The following TRIM10 variants were observed in gnomAD, a reference collection of about 807,000 sequenced individuals.
The protein encoded by TRIM10 is tripartite motif-containing protein 10.
TRIM10 carries 42 observed loss-of-function variants against 40.0 expected under a neutral mutation model. That is an observed-to-expected ratio of 1.05 (90% CI 0.82 to 1.36). TRIM10 has a LOEUF of 1.36. TRIM10 is among the 40% of genes most tolerant of loss of function. The pLI, the probability that TRIM10 is intolerant of heterozygous loss-of-function variation, is 0.00. For synonymous variants in TRIM10, 260 were observed against 239.5 expected (o/e 1.09, Z -0.79); for missense variants, 601 against 608.3 (o/e 0.99, Z 0.13).
chr6:30,154,770 G>GA, intron 6 of TRIM10: 1 of 679,986 alleles, frequency 1.5e-6, no homozygotes, highest in Admixed American at 2.0e-5. Flanking sequence ...TGGTCCTCGG[G>GA]AAAGCTCTTC....
upstream of TRIM10, chr6:30,163,711 G>A (rs574241267): frequency 6.2e-6 from 10 of 1,611,568 alleles, no homozygotes; most frequent in South Asian, 5.5e-5. Flanking sequence ...CCCTGAAGGT[G>A]GTCCATGAGC....
chr6:30,156,587 CA>C (rs1772551259), intron 5 of TRIM10, among the ~76,000 whole-genome samples: 1 of 152,208 alleles, frequency 6.6e-6, no homozygotes. Flanking sequence ...TGTTCATCAT[CA>C]AAAACTTATC....
upstream of TRIM10, chr6:30,163,191 C>G (rs575310679): frequency 3.1e-5 from 5 of 162,648 alleles, no homozygotes; most frequent in Non-Finnish European, 6.8e-5. Flanking sequence ...GTCCACACCT[C>G]TCACTCCAGC....
intron 2 of TRIM10, among the ~76,000 whole-genome samples, 169 bp downstream of exon 2, chr6:30,158,981 A>C (rs546402294): frequency 1.2e-3 from 188 of 152,316 alleles, no homozygotes; most frequent in Non-Finnish European, 2.3e-3. Flanking sequence ...TCCATTTTAC[A>C]GATAAGTAAA....
chr6:30,153,629 A>G lies in TRIM10; in HGVS notation c.*340T>C. On this transcript the variant is annotated 3_prime_UTR_variant, in exon 7 of 7. Coordinates refer to ENST00000449742, the MANE Select transcript of TRIM10 (RefSeq NM_006778.4). ...GAGATGCCTTGTTTAAAGTCATACA[A>G]CTGGTTGACAGGCTGGTTCAAGAAC... 2 of 1,446,214 alleles carry G rather than the reference A, an allele frequency of 1.4e-6. No individual in the cohort carries two copies. The highest frequency in any genetic ancestry group is 1.2e-5 in the South Asian group (1 of 83,536). The allele number at this position is 1,446,214 out of a possible 1,614,324, so 89.6% of individuals were successfully genotyped here. A position where few individuals can be genotyped will look rare whatever the true frequency, so the allele number is the denominator to read the frequency against.
upstream of TRIM10, among the ~76,000 whole-genome samples, chr6:30,162,127 T>C (rs1441373122): frequency 6.6e-6 from 1 of 151,862 alleles, no homozygotes; most frequent in Admixed American, 6.6e-5. Flanking sequence ...TACAAAAAAA[T>C]TAGCCTGGCG....
At position 30,155,726 on chromosome 6, in the gene TRIM10, C is replaced by T. The variant is rs1352800930; in HGVS notation, c.928+1G>A. 9 of 1,613,572 alleles carry T rather than the reference C, an allele frequency of 5.6e-6. No individual in the cohort carries two copies. Among genetic ancestry groups the T allele is most frequent in the Non-Finnish European group, 7.6e-6 (9 of 1,179,906 alleles). On this transcript the variant is annotated splice_donor_variant, in intron 6 of 6. Transcript: ENST00000449742. LOFTEE classifies it high-confidence loss of function. Reference sequence around the variant, plus strand: ...CTCCCATCCTGACATAGGCTCCTTACCTGGCTCATAGTCCAACTCAAAGCA... The same window carrying T: ...CTCCCATCCTGACATAGGCTCCTTATCTGGCTCATAGTCCAACTCAAAGCA...
At chr6:30,159,301 C>A in intron 1 of TRIM10, 56 bp from the exon 2 acceptor site, 1 of 1,274,970 alleles carries the variant, frequency 7.8e-7, no homozygotes, top group South Asian at 1.2e-5. Context: ...TCAGGTTTGT[C>A]TGGTCATCTG....
At chr6:30,159,282 A>C in intron 1 of TRIM10, 37 bp from the exon 2 acceptor site, 1 of 1,469,900 alleles carries the variant, frequency 6.8e-7, no homozygotes, top group South Asian at 1.1e-5. Context: ...AAGATGGAAA[A>C]TGATTTGTTC....
At chr6:30,163,523 C>T (rs1773302848), upstream of TRIM10, 17 of 890,010 alleles carry the variant, frequency 1.9e-5, no homozygotes, top group South Asian at 3.0e-4. Flanking sequence ...AGGTGGCTTC[C>T]CTGTGCTGGC....
rs1443280721 is a variant in TRIM10 at position 30,152,361 on chromosome 6, C to T, written c.*1608G>A. The T allele has an allele frequency of 1.3e-5, 2 of 152,192 alleles. No individual in the cohort carries two copies. The highest frequency in any genetic ancestry group is 4.8e-5 in the African/African-American group (2 of 41,456). 9.4% of individuals were successfully genotyped at this position (152,192 alleles called of 1,614,324 possible). ...ATAAACAAAAATAGGATCTACTTTT[C>T]TGGAATCACAGGTTTGGGTGCTTTG... is the stretch of plus-strand genomic sequence containing the variant. On this transcript the variant is annotated 3_prime_UTR_variant, in exon 7 of 7. Transcript: ENST00000449742.
In TRIM10 at chr6:30,158,415, GCTGGCCT is replaced by G. The variant is rs559448550; in HGVS notation, c.733_739del (p.Arg245GlnfsTer5). 5.0e-6 allele frequency: 8 copies of G among 1,612,906 alleles called. No homozygotes were observed. The highest frequency in any genetic ancestry group is 6.8e-6 in the Non-Finnish European group (8 of 1,180,000). On this transcript the variant is annotated frameshift_variant, in exon 3 of 7. Transcript: ENST00000449742. LOFTEE classifies it high-confidence loss of function. ...AGGCCTCACCGTCAGGAGCTCCCTT[GCTGGCCT>G]CTCATTCTTCTCCTCCAGTTCTTCA...
rs1430684623 is a variant in TRIM10, at chr6:30,159,135, G to A, written c.525+15C>T. On this transcript the variant is annotated intron_variant, in intron 2 of 6. Transcript: ENST00000449742. ...TGAGGAAGGGGAGGAACCTGGGGAA[G>A]GGGTGATGACTTACCAGGAGGACTT... 6.4e-7 allele frequency: 1 copy of A among 1,564,672 alleles called. No individual in the cohort carries two copies. The highest frequency in any genetic ancestry group is 1.1e-5 in the South Asian group (1 of 90,006).
chr6:30,154,159 G>A lies in TRIM10; in HGVS notation c.1256C>T (p.Pro419Leu). ...WGFVSALGSF[P>L]TRLTLKEQPR... ...CTGCTCCTTCAGGGTCAGCCGTGTG[G>A]GGAAGGAGCCCAGAGCCGAGACGAA... Residue 419 changes from proline (P) to leucine (L), a missense_variant, in exon 7 of 7, where the codon CCC (proline) becomes CTC (leucine). Transcript: ENST00000449742. The A allele has an allele frequency of 1.2e-6, 2 of 1,612,608 alleles. No homozygotes were observed. The highest frequency in any genetic ancestry group is 1.3e-5 in the African/African-American group (1 of 75,032).
At chr6:30,156,522 C>T (rs1268609182) in intron 5 of TRIM10, among the ~76,000 whole-genome samples, 2 of 152,102 alleles carry the variant, frequency 1.3e-5, no homozygotes, top group Non-Finnish European at 2.9e-5. Flanking sequence ...GAAGGAGGGA[C>T]GAGCCAGATA....
rs1244221479 is a variant in TRIM10, at chr6:30,153,357, A to G, written c.*612T>C. 2 of 278,756 alleles carry G rather than the reference A, an allele frequency of 7.2e-6. No individual in the cohort carries two copies. The highest frequency in any genetic ancestry group is 1.4e-5 in the Non-Finnish European group (2 of 147,802). The allele number at this position is 278,756 out of a possible 1,614,324, so 17.3% of individuals were successfully genotyped here. A position where few individuals can be genotyped will look rare whatever the true frequency, so the allele number is the denominator to read the frequency against. On this transcript the variant is annotated 3_prime_UTR_variant, in exon 7 of 7. Coordinates refer to ENST00000449742, the MANE Select transcript of TRIM10 (RefSeq NM_006778.4). ...GGCTGGGCTATGCCCCTTCCCCTGA[A>G]CTCCCATAATGCTGGGGTTGGACTT...
Position 30,154,147 on chromosome 6 carries a change from G to T in TRIM10, c.1268C>A (p.Thr423Asn). ...SALGSFPTRL[T>N]LKEQPRQVRV... ...CACCTGCCGGGGCTGCTCCTTCAGG[G>T]TCAGCCGTGTGGGGAAGGAGCCCAG... Residue 423 changes from threonine (T) to asparagine (N), a missense_variant, in exon 7 of 7, where the codon ACC becomes AAC. Coordinates refer to ENST00000449742, the MANE Select transcript of TRIM10 (RefSeq NM_006778.4). The T allele has an allele frequency of 1.2e-6, 2 of 1,612,876 alleles. No individual in the cohort carries two copies. Among genetic ancestry groups the T allele is most frequent in the Non-Finnish European group, 8.5e-7 (1 of 1,179,852 alleles).
chr6:30,156,928 G>A lies in TRIM10; in HGVS notation c.895+11C>T, dbSNP rs756639820. On this transcript the variant is annotated intron_variant, in intron 5 of 6. Coordinates refer to ENST00000449742, the MANE Select transcript of TRIM10 (RefSeq NM_006778.4). ...CCACCTGCGCTCTGTGGAGGCCTGG[G>A]GTTCTCTTACCCAGAAACATCTTCA... is the stretch of plus-strand genomic sequence containing the variant. The A allele has an allele frequency of 9.3e-6, 15 of 1,612,000 alleles. No individual in the cohort carries two copies. In the African/African-American group the frequency reaches 1.3e-4, roughly 14 times the overall value.
In TRIM10 at chr6:30,160,430, C is replaced by A. The variant is rs771023831; in HGVS notation, c.429G>T (p.Arg143Ser). 4.3e-6 allele frequency: 7 copies of A among 1,612,954 alleles called. No individual in the cohort carries two copies. The East Asian group carries it at 1.3e-4, about 31-fold the overall frequency. ...RFLEDAAAPY[R>S]EQIHKCLKCL... ...GGATCCCCCAGTTCCCCTTTCCTAC[C>A]CTATAGGGAGCCGCTGCATCCTCCA... Residue 143 changes from arginine (R) to serine (S), a missense_variant and splice_region_variant, in exon 1 of 7, where the codon AGG becomes AGT. Arg to Ser is a moderately radical substitution (Grantham distance 110). Transcript: ENST00000449742.
Sources: allele counts gnomAD v4.1 joint callset (sites outside exome capture counted in the v4.1 genomes callset), GRCh38; gene constraint gnomAD v4.1.1; transcripts MANE v1.5; gene names NCBI Gene and HGNC (gene_info 2026-07-23, HGNC 2026-07-21).